Variants in UTS2 observed in about 807,000 individuals in gnomAD.
UTS2 encodes urotensin 2, also known as urotensin-2.
UTS2 carries 10 observed loss-of-function variants against 12.6 expected under a neutral mutation model. The observed-to-expected ratio is 0.80, with a 90% confidence interval of 0.49 to 1.35. The LOEUF (loss-of-function observed/expected upper bound fraction) is 1.35, where lower values mean the gene tolerates loss of function less well. UTS2 is among the 40% of genes most tolerant of loss of function. The pLI is 0.00. For missense variants in UTS2, 142 were observed against 143.2 expected, an observed-to-expected ratio of 0.99 and a Z score of 0.04; for synonymous variants, 52 against 50.0, an observed-to-expected ratio of 1.04 and a Z score of -0.17.
the UTS2 span, among the ~76,000 whole-genome samples, chr1:7,908,519 C>T: frequency 1.3e-5 from 2 of 150,722 alleles, no homozygotes; most frequent in African/African-American, 4.9e-5. Context: ...CCCTAGAAGC[C>T]AGTAGAACCC....
At chr1:7,908,425 C>T in the UTS2 span, among the ~76,000 whole-genome samples, 4 of 146,632 alleles carry the variant, frequency 2.7e-5, no homozygotes, top group African/African-American at 5.1e-5. Flanking sequence ...GAGATTGCAT[C>T]GCTCCGGCCT....
At chr1:7,863,090 ATTGTATTGTATTGTATTGTATTGT>A in the UTS2 span, among the ~76,000 whole-genome samples, 1 of 114,926 alleles carries the variant, frequency 8.7e-6, no homozygotes, top group African/African-American at 3.6e-5. Context: ...ATTGTATTGT[ATTGTATTGTATTGTATTGTATTGT>A]ATTGTATTGT....
At chr1:7,866,368 G>A in the UTS2 span, among the ~76,000 whole-genome samples, 2,475 of 152,296 alleles carry the variant, frequency 0.016, 68 homozygotes, top group African/African-American at 0.056. This position sits in a 1 kb window ranked among gnomAD's most constrained non-coding sequence, Gnocchi z 4.5. Flanking sequence ...TCAAGTGAGC[G>A]TGAGCGTGGA....
the UTS2 span, among the ~76,000 whole-genome samples, chr1:7,889,965 G>T: frequency 1.6e-4 from 25 of 152,162 alleles, no homozygotes; most frequent in East Asian, 4.8e-3. Flanking sequence ...TACTCGGGAG[G>T]CTGAGGAAGG....
the UTS2 span, among the ~76,000 whole-genome samples, chr1:7,893,707 G>A: frequency 6.6e-6 from 1 of 152,092 alleles, no homozygotes; most frequent in Admixed American, 6.5e-5. Context: ...TGCTCCTGGA[G>A]GGCACAGTCG....
chr1:7,881,801 A>G, the UTS2 span, among the ~76,000 whole-genome samples: 1 of 152,218 alleles, frequency 6.6e-6, no homozygotes, highest in Non-Finnish European at 1.5e-5. Flanking sequence ...GTATGGGACC[A>G]CAAAGATCCT....
At chr1:7,880,747 T>G in the UTS2 span, among the ~76,000 whole-genome samples, 1 of 152,196 alleles carries the variant, frequency 6.6e-6, no homozygotes, top group Non-Finnish European at 1.5e-5. Flanking sequence ...CTAACACCAA[T>G]TCTTCTCAAA....
the UTS2 span, among the ~76,000 whole-genome samples, chr1:7,889,534 G>A: frequency 1.3e-5 from 2 of 152,214 alleles, no homozygotes; most frequent in African/African-American, 4.8e-5. Flanking sequence ...GCCAGGTGCA[G>A]TGGCTCATGC....
chr1:7,897,841 C>T, the UTS2 span, among the ~76,000 whole-genome samples: 1 of 152,156 alleles, frequency 6.6e-6, no homozygotes, highest in African/African-American at 2.4e-5. Context: ...CCCACCTCAG[C>T]CTCCCAAAGT....
At chr1:7,874,495 G>A in the UTS2 span, among the ~76,000 whole-genome samples, 966 of 152,288 alleles carry the variant, frequency 6.3e-3, 10 homozygotes, top group African/African-American at 0.022. Flanking sequence ...TCACAATGCA[G>A]GGTGACTGGG....
chr1:7,853,331 A>G (rs997431759), upstream of UTS2: 2 of 1,614,076 alleles, frequency 1.2e-6, no homozygotes, highest in African/African-American at 2.7e-5. Flanking sequence ...AATTAAAGGA[A>G]GGCTTGGATA....
At chr1:7,889,219 T>C in the UTS2 span, among the ~76,000 whole-genome samples, 1 of 140,622 alleles carries the variant, frequency 7.1e-6, no homozygotes, top group Non-Finnish European at 1.5e-5. Flanking sequence ...AGCCCAGGAG[T>C]TTGAAACCAG....
chr1:7,892,180 G>A, the UTS2 span, among the ~76,000 whole-genome samples: 1 of 152,202 alleles, frequency 6.6e-6, no homozygotes, highest in Non-Finnish European at 1.5e-5. Flanking sequence ...TGTTGCTGCT[G>A]TAGTAAGTTA....
chr1:7,858,723 A>G, the UTS2 span, among the ~76,000 whole-genome samples: 1 of 152,178 alleles, frequency 6.6e-6, no homozygotes, highest in Non-Finnish European at 1.5e-5. Flanking sequence ...AGCTGGGATT[A>G]CAGGCATGCA....
the UTS2 span, among the ~76,000 whole-genome samples, chr1:7,906,768 C>T: frequency 4.6e-5 from 7 of 152,148 alleles, no homozygotes; most frequent in African/African-American, 1.4e-4. Flanking sequence ...ACCACGAACA[C>T]GGGCAGTAGG....
At chr1:7,852,833 C>CT in intron 1 of UTS2, 68 bp downstream of exon 1, 1 of 1,512,434 alleles carries the variant, frequency 6.6e-7, no homozygotes, top group Non-Finnish European at 8.9e-7. Flanking sequence ...ATTCTTATCT[C>CT]TAACATTGAA....
intron 2 of UTS2, 55 bp downstream of exon 2, chr1:7,850,757 G>T: frequency 6.5e-7 from 1 of 1,550,290 alleles, no homozygotes; most frequent in Non-Finnish European, 8.9e-7. Context: ...GAGGACAGAC[G>T]GTAAGTTCAG....
chr1:7,878,715 A>C, the UTS2 span, among the ~76,000 whole-genome samples: 1 of 152,186 alleles, frequency 6.6e-6, no homozygotes, highest in South Asian at 2.1e-4. Flanking sequence ...AAAATGAGAG[A>C]GATAAATAGA....
chr1:7,860,378 T>C, the UTS2 span, among the ~76,000 whole-genome samples: 9 of 152,068 alleles, frequency 5.9e-5, no homozygotes, highest in Admixed American at 5.9e-4. Flanking sequence ...TTAGGCCTGT[T>C]TGAGGAACAG....
Sources: allele counts gnomAD v4.1 joint callset (sites outside exome capture counted in the v4.1 genomes callset), GRCh38; gene constraint gnomAD v4.1.1; non-coding constraint Gnocchi (gnomAD v3.1); transcripts MANE v1.5; gene names NCBI Gene and HGNC (gene_info 2026-07-23, HGNC 2026-07-21).